RBFOX1: variants seen among roughly 807,000 people sequenced by gnomAD.
RBFOX1 encodes RNA binding fox-1 homolog 1.
A neutral mutation model predicts 57.7 loss-of-function variants in RBFOX1; 8 were observed. That is an observed-to-expected ratio of 0.14 (90% CI 0.08 to 0.25). The LOEUF (loss-of-function observed/expected upper bound fraction) is 0.25. Among genes scored for constraint, RBFOX1 ranks in the 10% least tolerant of loss-of-function variants. The probability of loss-of-function intolerance (pLI) is 1.00; values close to 1 mark genes in which losing one functional copy is unlikely to be tolerated. For missense variants in RBFOX1, 611 were observed against 548.5 expected, an observed-to-expected ratio of 1.11 and a Z score of -1.14; for synonymous variants, 326 against 222.4, an observed-to-expected ratio of 1.47 and a Z score of -4.15.
At chr16:6,020,856 C>A (rs4485373) in intron 1 of RBFOX1, among the ~76,000 whole-genome samples, 437 of 152,294 alleles carry the variant, frequency 2.9e-3, no homozygotes, top group African/African-American at 9.7e-3. Flanking sequence ...CCAGGTGTCA[C>A]GCGGAGCCCG....
chr16:6,563,335 C>A (rs1482540441), intron 2 of RBFOX1, among the ~76,000 whole-genome samples: 1 of 152,170 alleles, frequency 6.6e-6, no homozygotes, highest in East Asian at 1.9e-4. Flanking sequence ...CTATTCTAAG[C>A]ATTTCACATC....
chr16:7,556,020 T>C (rs955102057), intron 5 of RBFOX1, among the ~76,000 whole-genome samples: 2 of 150,846 alleles, frequency 1.3e-5, no homozygotes, highest in African/African-American at 5.0e-5. Flanking sequence ...TAGTGCTTAA[T>C]GGATATTAGT....
At chr16:6,671,547 C>T (rs1169136163) in intron 3 of RBFOX1, among the ~76,000 whole-genome samples, 2 of 152,062 alleles carry the variant, frequency 1.3e-5, no homozygotes, top group Non-Finnish European at 2.9e-5. Context: ...TGGGCAAGTT[C>T]CTTAGTCTTT....
intron 2 of RBFOX1, among the ~76,000 whole-genome samples, chr16:6,430,952 G>A (rs2094062919): frequency 7.1e-6 from 1 of 140,570 alleles, no homozygotes; most frequent in Non-Finnish European, 1.5e-5. Context: ...GCAACATAGT[G>A]AGTCCTCATC....
At chr16:5,994,842 G>T (rs2152323458) in intron 4 of RBFOX1, among the ~76,000 whole-genome samples, 1 of 152,284 alleles carries the variant, frequency 6.6e-6, no homozygotes, top group East Asian at 1.9e-4. Flanking sequence ...AGGGCCAAGT[G>T]CCCAATGAGA....
At chr16:6,575,981 AAAT>A (rs2097429136) in intron 2 of RBFOX1, among the ~76,000 whole-genome samples, 1 of 152,128 alleles carries the variant, frequency 6.6e-6, no homozygotes, top group Non-Finnish European at 1.5e-5. Context: ...TTACATCAAA[AAAT>A]AATTTTTTAT....
chr16:5,243,249 G>A (rs1284431335), intron 1 of RBFOX1, among the ~76,000 whole-genome samples: 1 of 152,108 alleles, frequency 6.6e-6, no homozygotes, highest in East Asian at 1.9e-4. Flanking sequence ...CAGGCACCTC[G>A]GCAGAGATTT....
At chr16:7,038,776 C>G (rs928831170) in intron 3 of RBFOX1, among the ~76,000 whole-genome samples, 1 of 152,148 alleles carries the variant, frequency 6.6e-6, no homozygotes, top group African/African-American at 2.4e-5. Context: ...TCTGATTAAT[C>G]TGTCTGGACC....
At chr16:5,353,859 A>G (rs750182633) in intron 1 of RBFOX1, among the ~76,000 whole-genome samples, 5 of 152,094 alleles carry the variant, frequency 3.3e-5, no homozygotes, top group African/African-American at 4.8e-5. Flanking sequence ...ACAGAGATCA[A>G]CAAGACATGG....
At chr16:5,248,024 C>T (rs1337347719) in intron 1 of RBFOX1, among the ~76,000 whole-genome samples, 1 of 152,182 alleles carries the variant, frequency 6.6e-6, no homozygotes. Context: ...GAAATGGCAA[C>T]TTGTTGCCCT....
In RBFOX1 at chr16:5,742,547, G is replaced by A. The variant is rs546877772; in HGVS notation, c.319-124756G>A. On this transcript the variant is annotated intron_variant, in intron 3 of 19. Transcript: ENST00000641259. ...CCCGATCACTTCTCTTGCATCCTCC[G>A]GTGCCATAAGAACGTCTGGCACATA... Among the ~76,000 whole-genome samples, 14 of 152,138 alleles carry A rather than the reference G, an allele frequency of 9.2e-5. No individual in the cohort carries two copies. The East Asian group carries it at 2.5e-3, about 27-fold the overall frequency.
chr16:6,320,791 TTTATTATTA>T (rs908979629), intron 2 of RBFOX1, among the ~76,000 whole-genome samples: 1 of 151,956 alleles, frequency 6.6e-6, no homozygotes, highest in African/African-American at 2.4e-5. Context: ...AATTTGTTAC[TTTATTATTA>T]TTATTATTTA....
rs188665518 is a variant in RBFOX1 at position 5,587,866 on chromosome 16, C to G, written c.259-11036C>G. ...GAAATTCTACTTCCATGTATGTACC[C>G]CACAGAAGTATCAACCTATGTCCTC... On this transcript the variant is annotated intron_variant, in intron 2 of 2. Coordinates refer to the RBFOX1 transcript ENST00000585867. Among the ~76,000 whole-genome samples, 37 of 152,252 alleles carry G rather than the reference C, an allele frequency of 2.4e-4. 1 individual carries two copies. The East Asian group carries it at 6.4e-3, about 26-fold the overall frequency.
chr16:7,215,094 T>C (rs1420455612), intron 4 of RBFOX1, among the ~76,000 whole-genome samples: 3 of 152,160 alleles, frequency 2.0e-5, no homozygotes, highest in African/African-American at 7.2e-5. Context: ...GTGTGTGATG[T>C]TCGCCTCCCT....
chr16:7,095,646 G>A (rs530635599), intron 4 of RBFOX1, among the ~76,000 whole-genome samples: 1 of 152,142 alleles, frequency 6.6e-6, no homozygotes, highest in Non-Finnish European at 1.5e-5. Context: ...CTTGGAATGT[G>A]TTTACAGATG....
At chr16:5,383,192 C>G (rs1378560790) in intron 1 of RBFOX1, among the ~76,000 whole-genome samples, 1 of 152,134 alleles carries the variant, frequency 6.6e-6, no homozygotes, top group Non-Finnish European at 1.5e-5. Flanking sequence ...TCTTCACTTA[C>G]TGGTGGGGAA....
At chr16:5,578,106 C>G (rs2046529892) in intron 2 of RBFOX1, among the ~76,000 whole-genome samples, 1 of 152,138 alleles carries the variant, frequency 6.6e-6, no homozygotes, top group African/African-American at 2.4e-5. Context: ...TGCGTGCCAC[C>G]ACACCCAGCT....
intron 3 of RBFOX1, among the ~76,000 whole-genome samples, chr16:5,755,232 T>C (rs923502293): frequency 3.5e-5 from 5 of 143,888 alleles, no homozygotes; most frequent in Non-Finnish European, 3.0e-5. Flanking sequence ...GGGGTAAGGT[T>C]ATAGATTAAC....
At chr16:7,677,132 T>TACACACACACACACACACACACAC (rs59379802) in intron 14 of RBFOX1, among the ~76,000 whole-genome samples, 6,824 of 137,598 alleles carry the variant, frequency 0.05, 311 homozygotes, top group Admixed American at 0.066. Context: ...CACATACACA[T>TACACACACACACACACACACACAC]ACACACACAC....
Sources: gnomAD v4.1 joint callset for allele counts (sites outside exome capture counted in the v4.1 genomes callset) on GRCh38, gnomAD v4.1.1 for gene constraint, MANE v1.5 for transcripts, NCBI Gene and HGNC (gene_info 2026-07-23, HGNC 2026-07-21) for gene names.